The following SCFD2 variants were observed in gnomAD, a reference collection of about 807,000 sequenced individuals.
SCFD2 encodes sec1 family domain containing 2, also known as sec1 family domain-containing protein 2.
Under a neutral mutation model 58.9 loss-of-function variants are expected in SCFD2, and 54 were observed. The observed-to-expected ratio is 0.92, with a 90% CI of 0.74 to 1.15. The LOEUF is 1.15. SCFD2 is among the 50% of genes most tolerant of loss of function. The pLI, the probability that SCFD2 is intolerant of heterozygous loss-of-function variation, is 0.00. For synonymous variants in SCFD2, 321 were observed against 335.9 expected, an observed-to-expected ratio of 0.96 and a Z score of 0.49; for missense variants, 805 against 836.6, an observed-to-expected ratio of 0.96 and a Z score of 0.47.
chr4:53,139,293 C>T (rs975598473), intron 5 of SCFD2, among the ~76,000 whole-genome samples: 1 of 152,192 alleles, frequency 6.6e-6, no homozygotes, highest in Non-Finnish European at 1.5e-5. Context: ...GCCGCCACCC[C>T]GCCCCACAAG....
chr4:52,894,549 T>C (rs559468819), intron 7 of SCFD2, among the ~76,000 whole-genome samples: 1 of 152,334 alleles, frequency 6.6e-6, no homozygotes, highest in South Asian at 2.1e-4. Context: ...TGTTAGATCA[T>C]TATCAAGCTT....
In SCFD2 at chr4:53,365,704, G is replaced by T; in HGVS notation, c.238C>A (p.Leu80Met). The T allele has an allele frequency of 6.2e-7, 1 of 1,614,202 alleles. No individual in the cohort carries two copies. The highest frequency in any genetic ancestry group is 8.5e-7 in the Non-Finnish European group (1 of 1,180,040). Residue 80 changes from leucine to methionine, a missense_variant, in exon 1 of 9, where the codon CTG becomes ATG. Leu to Met is a conservative substitution (Grantham distance 15). Coordinates refer to ENST00000401642, the MANE Select transcript of SCFD2 (RefSeq NM_152540.4). This position sits in a 1 kb window ranked among gnomAD's most constrained non-coding sequence, Gnocchi z 4.3. ...ATCTCCACGGTCCGGCCTTTCAGCA[G>T]GCAGCTCAGCACAAACACTGCCTTG... ...QPKAVFVLSC[L>M]LKGRTVEILR...
chr4:53,252,960 A>C (rs967150114), intron 4 of SCFD2, among the ~76,000 whole-genome samples: 4 of 152,190 alleles, frequency 2.6e-5, no homozygotes, highest in Non-Finnish European at 4.4e-5. Context: ...CAGCCTACAA[A>C]ATGGGAGAAA....
chr4:53,217,633 C>T (rs1315126398), intron 4 of SCFD2, among the ~76,000 whole-genome samples: 4 of 152,138 alleles, frequency 2.6e-5, no homozygotes, highest in Non-Finnish European at 4.4e-5. Flanking sequence ...GAGCATTTAG[C>T]CCATTTACAT....
intron 5 of SCFD2, among the ~76,000 whole-genome samples, chr4:52,995,978 C>G (rs1721732840): frequency 1.3e-5 from 2 of 152,202 alleles, no homozygotes; most frequent in Non-Finnish European, 2.9e-5. Context: ...GGCTCTCAGT[C>G]AATGCCAGAT....
At chr4:52,981,626 G>A (rs1244736117) in intron 5 of SCFD2, among the ~76,000 whole-genome samples, 1 of 152,038 alleles carries the variant, frequency 6.6e-6, no homozygotes, top group Non-Finnish European at 1.5e-5. Context: ...GAAAATCAAG[G>A]CCCAGAAGGT....
chr4:52,898,961 A>G (rs1222791413), intron 7 of SCFD2, among the ~76,000 whole-genome samples: 1 of 152,172 alleles, frequency 6.6e-6, no homozygotes, highest in African/African-American at 2.4e-5. Context: ...ATCCAAGACT[A>G]GGATTGCAAC....
intron 5 of SCFD2, among the ~76,000 whole-genome samples, chr4:53,058,865 C>T (rs532533619): frequency 2.6e-5 from 4 of 152,162 alleles, no homozygotes; most frequent in South Asian, 2.1e-4. Context: ...AAAGAAAATA[C>T]GACAGGAGAT....
intron 3 of SCFD2, among the ~76,000 whole-genome samples, chr4:53,281,587 C>T (rs1731511644): frequency 6.6e-6 from 1 of 152,132 alleles, no homozygotes; most frequent in Non-Finnish European, 1.5e-5. Flanking sequence ...ACTCAAGAGG[C>T]TACCCTGAGC....
Position 53,365,771 on chromosome 4 carries a change from T to C in SCFD2, c.171A>G (p.Arg57=). The change falls in exon 1 of 9, where the codon CGA becomes CGG. Residue 57 remains arginine (R), a synonymous_variant. Coordinates refer to ENST00000401642, the MANE Select transcript of SCFD2 (RefSeq NM_152540.4). This position sits in a 1 kb window ranked among gnomAD's most constrained non-coding sequence, Gnocchi z 4.3. ...CACCAATTGCGTCGGGCTCGAACTC[T>C]CGCAGGTGACAGTCAGGACCCCCCA... is the stretch of plus-strand genomic sequence containing the variant. ...EAVGGPDCHL[R]EFEPDAIGGG... is the part of the protein sequence containing the mutation. The C allele has an allele frequency of 6.2e-7, 1 of 1,613,862 alleles. No individual in the cohort carries two copies. Among genetic ancestry groups the C allele is most frequent in the Non-Finnish European group, 8.5e-7 (1 of 1,179,924 alleles).
chr4:53,203,295 T>C (rs1476690647), intron 4 of SCFD2, among the ~76,000 whole-genome samples: 2 of 152,156 alleles, frequency 1.3e-5, no homozygotes, highest in Non-Finnish European at 2.9e-5. Context: ...CATGTGGTTT[T>C]TGTCTTTGGT....
At chr4:53,025,868 A>G (rs1217600100) in intron 5 of SCFD2, among the ~76,000 whole-genome samples, 1 of 152,244 alleles carries the variant, frequency 6.6e-6, no homozygotes, top group African/African-American at 2.4e-5. Flanking sequence ...TGTTAAATAC[A>G]TGTATAAAAC....
intron 5 of SCFD2, among the ~76,000 whole-genome samples, chr4:52,981,793 T>A (rs1024493976): frequency 1.3e-5 from 2 of 152,038 alleles, no homozygotes; most frequent in African/African-American, 4.8e-5. Context: ...TATTCCAAGA[T>A]GAATGGGCAG....
chr4:53,001,025 C>G (rs530877365), intron 5 of SCFD2, among the ~76,000 whole-genome samples: 1 of 152,294 alleles, frequency 6.6e-6, no homozygotes, highest in African/African-American at 2.4e-5. Flanking sequence ...ATGACACTGG[C>G]TGCTTTCTTT....
In SCFD2 at chr4:53,054,416, C is replaced by T. The variant is rs753645239; in HGVS notation, c.1561+90917G>A. On this transcript the variant is annotated intron_variant, in intron 5 of 8. Transcript: ENST00000401642. ...GGGCAGAATTTTGTATTAATCAGCT[C>T]TATACCCTTAAGTCCTGTCATGGTG... Among the ~76,000 whole-genome samples the T allele has an allele frequency of 7.9e-5, 12 of 152,236 alleles. No homozygotes were observed. In the South Asian group the frequency reaches 1.5e-3, roughly 18 times the overall value.
At chr4:53,259,365 G>A (rs972478851) in intron 4 of SCFD2, among the ~76,000 whole-genome samples, 10 of 152,282 alleles carry the variant, frequency 6.6e-5, no homozygotes, top group African/African-American at 2.4e-4. Context: ...ATAGATGTAA[G>A]TCTTTGATCC....
At chr4:53,182,075 G>T (rs912763086) in intron 4 of SCFD2, among the ~76,000 whole-genome samples, 12 of 152,268 alleles carry the variant, frequency 7.9e-5, no homozygotes, top group African/African-American at 1.4e-4. Flanking sequence ...TGGCCATATT[G>T]CCCAAGGTAA....
At chr4:53,108,470 G>A (rs1235419057) in intron 5 of SCFD2, among the ~76,000 whole-genome samples, 2 of 151,888 alleles carry the variant, frequency 1.3e-5, no homozygotes, top group African/African-American at 4.8e-5. Flanking sequence ...TAAGTGACTA[G>A]TCAGACTAAT....
intron 2 of SCFD2, among the ~76,000 whole-genome samples, chr4:53,318,765 T>A (rs1327764447): frequency 6.6e-6 from 1 of 151,946 alleles, no homozygotes; most frequent in Admixed American, 6.6e-5. Context: ...TTAAGGAAAA[T>A]TTTTGAAAGG....
Sources: gnomAD v4.1 joint callset for allele counts (sites outside exome capture counted in the v4.1 genomes callset) on GRCh38, gnomAD v4.1.1 for gene constraint, Gnocchi (gnomAD v3.1) non-coding constraint, MANE v1.5 for transcripts, NCBI Gene and HGNC (gene_info 2026-07-23, HGNC 2026-07-21) for gene names.